Variants in MAPK10 observed in about 807,000 individuals in gnomAD.
MAPK10 encodes the protein JNK3 alpha protein kinase.
MAPK10 carries 25 observed loss-of-function variants against 59.3 expected under a neutral mutation model. That is an observed-to-expected ratio of 0.42 (90% CI 0.31 to 0.59). The LOEUF (loss-of-function observed/expected upper bound fraction) is 0.59. MAPK10 is among the 20% of genes least tolerant of loss of function. The pLI, the probability that MAPK10 is intolerant of heterozygous loss-of-function variation, is 0.15. For synonymous variants in MAPK10, 190 were observed against 200.5 expected (o/e 0.95, Z 0.44); for missense variants, 351 against 568.9 (o/e 0.62, Z 3.90).
intron 2 of MAPK10, among the ~76,000 whole-genome samples, chr4:86,346,634 TA>T (rs1486376160): frequency 6.6e-6 from 1 of 151,400 alleles, no homozygotes; most frequent in Non-Finnish European, 1.5e-5. Context: ...AATCCACACA[TA>T]CTCAAGTCCA....
At chr4:86,051,397 C>T (rs1246125162) in intron 11 of MAPK10, among the ~76,000 whole-genome samples, 1 of 152,148 alleles carries the variant, frequency 6.6e-6, no homozygotes, top group Non-Finnish European at 1.5e-5. Flanking sequence ...TGAGATTCAG[C>T]CTTTTCCCTG....
At chr4:86,113,611 T>C (rs1370714890) in intron 4 of MAPK10, among the ~76,000 whole-genome samples, 4 of 152,180 alleles carry the variant, frequency 2.6e-5, no homozygotes, top group Non-Finnish European at 5.9e-5. Flanking sequence ...TGTCCCTTTG[T>C]AGGTGACCTG....
At chr4:86,493,091 G>A (rs887845344) in intron 1 of MAPK10, among the ~76,000 whole-genome samples, 5 of 152,114 alleles carry the variant, frequency 3.3e-5, no homozygotes, top group South Asian at 2.1e-4. Flanking sequence ...TTCAAACTGC[G>A]TTCAAATAAG....
intron 11 of MAPK10, 123 bp downstream of exon 11, chr4:86,064,143 G>T (rs1294321200): frequency 3.3e-6 from 4 of 1,220,320 alleles, no homozygotes; most frequent in African/African-American, 3.0e-5. Context: ...CAGATAATAG[G>T]CTTTGGACTT....
At chr4:86,067,687 GAGAA>G in intron 10 of MAPK10, 82 bp downstream of exon 10, 1 of 1,115,868 alleles carries the variant, frequency 9.0e-7, no homozygotes, top group Non-Finnish European at 1.3e-6. Context: ...AGGGAACAAA[GAGAA>G]AGAGATAGAG....
intron 3 of MAPK10, among the ~76,000 whole-genome samples, chr4:86,178,297 G>A (rs2076146665): frequency 6.6e-6 from 1 of 151,998 alleles, no homozygotes; most frequent in Non-Finnish European, 1.5e-5. Flanking sequence ...TTCACACACA[G>A]TAAGTATTCA....
rs193256076 is a variant in MAPK10, at chr4:86,422,268, C to T, written c.-122+30762G>A. Among the ~76,000 whole-genome samples, 209 of 152,228 alleles carry T rather than the reference C, an allele frequency of 1.4e-3. 1 individual carries two copies. The highest frequency in any genetic ancestry group is 4.5e-3 in the African/African-American group (187 of 41,542). On this transcript the variant is annotated intron_variant, in intron 1 of 13. Transcript: ENST00000361569. Reference sequence around the variant, plus strand: ...AATCTACAATATACAGGCGTTTTAACTGAATGGATGGATGAATGAATGAAT... The same window carrying T: ...AATCTACAATATACAGGCGTTTTAATTGAATGGATGGATGAATGAATGAAT...
chr4:86,267,638 C>T (rs2094297129), intron 2 of MAPK10, among the ~76,000 whole-genome samples: 1 of 152,058 alleles, frequency 6.6e-6, no homozygotes, highest in Admixed American at 6.6e-5. Context: ...CTTTGCAGTT[C>T]CTCCAATAAG....
chr4:86,497,868 C>T (rs778787200), intron 1 of MAPK10, among the ~76,000 whole-genome samples: 8 of 152,164 alleles, frequency 5.3e-5, no homozygotes, highest in African/African-American at 1.4e-4. Context: ...ATATTAGGAG[C>T]AGGGTTGATT....
At position 86,121,627 on chromosome 4, in the gene MAPK10, T is replaced by C. The variant is rs560575556; in HGVS notation, c.237-14275A>G. On this transcript the variant is annotated intron_variant, in intron 4 of 13. Coordinates refer to ENST00000641462, the MANE Select transcript of MAPK10 (RefSeq NM_138982.4). ...TGACAAAAATTGTATATATTTGTGG[T>C]ATAAACCATCATATTTTGATATATG... Among the ~76,000 whole-genome samples, 14 of 152,290 alleles carry C rather than the reference T, an allele frequency of 9.2e-5. No individual in the cohort carries two copies. In the South Asian group the frequency reaches 2.9e-3, roughly 32 times the overall value.
At chr4:86,266,434 T>A (rs879773074) in intron 2 of MAPK10, among the ~76,000 whole-genome samples, 8 of 152,172 alleles carry the variant, frequency 5.3e-5, no homozygotes, top group Non-Finnish European at 1.0e-4. Context: ...GGTTAATGCA[T>A]GCAAAACAGA....
intron 2 of MAPK10, among the ~76,000 whole-genome samples, chr4:86,348,299 A>C (rs1729303755): frequency 6.6e-6 from 1 of 152,118 alleles, no homozygotes; most frequent in Non-Finnish European, 1.5e-5. Flanking sequence ...CACATTACTA[A>C]ATCATCTGTG....
At chr4:86,454,160 G>A (rs1251393126), upstream of MAPK10, among the ~76,000 whole-genome samples, 1 of 152,162 alleles carries the variant, frequency 6.6e-6, no homozygotes, top group Non-Finnish European at 1.5e-5. Context: ...CTACCCAAAT[G>A]AGAAGGCACC....
At chr4:86,088,961 A>C (rs2052522848) in intron 9 of MAPK10, among the ~76,000 whole-genome samples, 1 of 152,216 alleles carries the variant, frequency 6.6e-6, no homozygotes, top group South Asian at 2.1e-4. Context: ...GGTAGAACTG[A>C]ATTAAGGCAG....
rs1190639069 is a variant in MAPK10 at position 86,015,749 on chromosome 4, T to C, written c.*1479A>G. ...AGCAGTAAATTTATGGGCAGAGTTA[T>C]TGCTCTTACATCTACTGCAGTACAA... On this transcript the variant is annotated 3_prime_UTR_variant, in exon 14 of 14. Transcript: ENST00000641462. 3 of 152,210 alleles carry C rather than the reference T, an allele frequency of 2.0e-5. No individual in the cohort carries two copies. The highest frequency in any genetic ancestry group is 6.5e-5 in the Admixed American group (1 of 15,288). The allele number at this position is 152,210 out of a possible 1,614,324, so 9.4% of individuals were successfully genotyped here.
intron 2 of MAPK10, among the ~76,000 whole-genome samples, chr4:86,264,408 C>G (rs1246240630): frequency 6.6e-6 from 1 of 152,198 alleles, no homozygotes. Context: ...AGACATGATA[C>G]TTCTGTTTAA....
upstream of MAPK10, among the ~76,000 whole-genome samples, chr4:86,454,346 G>C (rs1008651042): frequency 1.3e-5 from 2 of 152,158 alleles, no homozygotes; most frequent in East Asian, 3.9e-4. Context: ...GCGAAGCCCA[G>C]TGTAAGGAAA....
chr4:86,420,701 A>C (rs1164828278), intron 1 of MAPK10, among the ~76,000 whole-genome samples: 3 of 152,174 alleles, frequency 2.0e-5, no homozygotes, highest in Non-Finnish European at 2.9e-5. Flanking sequence ...AGGTGGGAGG[A>C]TCTCTTGAGC....
intron 1 of MAPK10, among the ~76,000 whole-genome samples, chr4:86,462,257 G>A (rs780905644): frequency 3.3e-5 from 5 of 152,180 alleles, no homozygotes; most frequent in South Asian, 2.1e-4. Context: ...AGGGGTACAA[G>A]TACAAAGAGG....
Sources: gnomAD v4.1 joint callset for allele counts (sites outside exome capture counted in the v4.1 genomes callset) on GRCh38, gnomAD v4.1.1 for gene constraint, MANE v1.5 for transcripts, NCBI Gene and HGNC (gene_info 2026-07-23, HGNC 2026-07-21) for gene names.